Variants in PIP4K2A observed in about 807,000 individuals in gnomAD.
PIP4K2A encodes the protein phosphatidylinositol 5-phosphate 4-kinase type-2 alpha.
Under a neutral mutation model 42.9 loss-of-function variants are expected in PIP4K2A, and 14 were observed. The ratio of observed to expected loss-of-function variants is 0.33; its 90% CI spans 0.22 to 0.51. The LOEUF (loss-of-function observed/expected upper bound fraction) is 0.51. Among genes scored for constraint, PIP4K2A ranks in the 20% least tolerant of loss-of-function variants. PIP4K2A has a pLI of 0.97. For synonymous variants in PIP4K2A, 192 were observed against 192.2 expected (o/e 1.00, Z 0.01); for missense variants, 434 against 519.8 (o/e 0.83, Z 1.61).
At chr10:22,633,991 C>T (rs778586475) in intron 1 of PIP4K2A, among the ~76,000 whole-genome samples, 4 of 152,266 alleles carry the variant, frequency 2.6e-5, no homozygotes, top group Non-Finnish European at 5.9e-5. Flanking sequence ...CCCCAGAGGG[C>T]TGCCCCAGAG....
intron 1 of PIP4K2A, among the ~76,000 whole-genome samples, chr10:22,622,785 A>AT (rs1838359534): frequency 6.6e-6 from 1 of 152,126 alleles, no homozygotes; most frequent in Admixed American, 6.5e-5. Context: ...CAAATCTATA[A>AT]TTTTTTTCTC....
At chr10:22,542,989 G>A (rs1170791394) in intron 7 of PIP4K2A, among the ~76,000 whole-genome samples, 2 of 152,176 alleles carry the variant, frequency 1.3e-5, no homozygotes, top group African/African-American at 4.8e-5. Context: ...GTGCCACCTC[G>A]CTGGGGAATG....
intron 4 of PIP4K2A, among the ~76,000 whole-genome samples, chr10:22,587,321 G>T (rs1368407532): frequency 1.3e-5 from 2 of 152,182 alleles, no homozygotes; most frequent in Non-Finnish European, 2.9e-5. Flanking sequence ...CTCTATGAGA[G>T]CCTCTCATCA....
intron 1 of PIP4K2A, among the ~76,000 whole-genome samples, chr10:22,708,023 T>G (rs1421959044): frequency 6.8e-6 from 1 of 147,974 alleles, no homozygotes; most frequent in East Asian, 2.0e-4. Flanking sequence ...GCTAGGGGGG[T>G]TTAATATCAG....
Position 22,541,891 on chromosome 10 carries a change from G to A in PIP4K2A, c.949C>T (p.Pro317Ser). ...THPVGTPPDSPGNTLNSSPPL... is the reference protein window; with the variant it reads ...THPVGTPPDSSGNTLNSSPPL... ...GGTGAGCTGTTCAGTGTATTCCCGG[G>A]GCTATCTGGGGGGGTTCCCACCGGG... The change falls in exon 8 of 10, where the codon CCC becomes TCC. Residue 317 changes from proline (P) to serine (S), a missense_variant. By Grantham distance (74) the Pro-to-Ser change is moderately conservative (BLOSUM62 -1). Around this residue, in one of 2 missense-constraint regions of PIP4K2A, gnomAD observed 395 missense variants for 444.5 expected, o/e 0.89. Coordinates refer to ENST00000376573, the MANE Select transcript of PIP4K2A (RefSeq NM_005028.5). 2 of 1,613,586 alleles carry A rather than the reference G, an allele frequency of 1.2e-6. No homozygotes were observed. The highest frequency in any genetic ancestry group is 1.1e-5 in the South Asian group (1 of 91,020).
At chr10:22,597,513 T>G (rs143769395) in intron 3 of PIP4K2A, among the ~76,000 whole-genome samples, 1 of 152,296 alleles carries the variant, frequency 6.6e-6, no homozygotes, top group African/African-American at 2.4e-5. Context: ...TCCCATCCAC[T>G]TTCTCTGCTT....
At chr10:22,689,309 C>CA (rs1211809112) in intron 1 of PIP4K2A, among the ~76,000 whole-genome samples, 2 of 152,056 alleles carry the variant, frequency 1.3e-5, no homozygotes, top group Admixed American at 6.6e-5. Context: ...AAAACAACAA[C>CA]AAAAAAACAC....
chr10:22,670,854 G>A (rs1024933230), intron 1 of PIP4K2A, among the ~76,000 whole-genome samples: 6 of 151,870 alleles, frequency 4.0e-5, no homozygotes, highest in South Asian at 2.1e-4. Context: ...TTTAAAAAAC[G>A]GCAAATGTAA....
chr10:22,647,974 C>G (rs1317826625), intron 1 of PIP4K2A, among the ~76,000 whole-genome samples: 2 of 152,196 alleles, frequency 1.3e-5, no homozygotes, highest in African/African-American at 2.4e-5. Flanking sequence ...ACATCTCAGC[C>G]ACTGGATCTC....
chr10:22,608,640 G>A (rs914908173), intron 2 of PIP4K2A, among the ~76,000 whole-genome samples: 1 of 152,188 alleles, frequency 6.6e-6, no homozygotes, highest in Admixed American at 6.5e-5. Context: ...GGGAGACTGA[G>A]GTGGGAGGAT....
At chr10:22,543,647 C>A (rs529815214) in intron 7 of PIP4K2A, among the ~76,000 whole-genome samples, 1 of 152,212 alleles carries the variant, frequency 6.6e-6, no homozygotes, top group African/African-American at 2.4e-5. Context: ...TCAGAGACTG[C>A]GCATCCTCCC....
intron 4 of PIP4K2A, among the ~76,000 whole-genome samples, chr10:22,578,935 C>T (rs1018455759): frequency 7.9e-5 from 12 of 152,118 alleles, no homozygotes; most frequent in African/African-American, 2.7e-4. Flanking sequence ...AACACCATGA[C>T]CCTTACCTCC....
chr10:22,619,578 A>G (rs1303837606), intron 1 of PIP4K2A, among the ~76,000 whole-genome samples: 1 of 151,860 alleles, frequency 6.6e-6, no homozygotes, highest in African/African-American at 2.4e-5. Flanking sequence ...CTGGGACTAC[A>G]GGTGGGCGCC....
chr10:22,665,624 T>G (rs1588695154), intron 1 of PIP4K2A, among the ~76,000 whole-genome samples: 2 of 145,702 alleles, frequency 1.4e-5, no homozygotes, highest in African/African-American at 5.3e-5. Flanking sequence ...TTTTTTTTTT[T>G]TTTAAGAAAA....
chr10:22,557,000 A>T (rs115510604), intron 6 of PIP4K2A, among the ~76,000 whole-genome samples: 2,530 of 152,280 alleles, frequency 0.017, 63 homozygotes, highest in African/African-American at 0.057. Context: ...TGAGATGCAC[A>T]CTCAGCTGAG....
At chr10:22,626,141 T>C (rs943978814) in intron 1 of PIP4K2A, among the ~76,000 whole-genome samples, 1 of 152,162 alleles carries the variant, frequency 6.6e-6, no homozygotes, top group Non-Finnish European at 1.5e-5. Flanking sequence ...CTGCAAAAAC[T>C]ATGCAAGTTC....
intron 4 of PIP4K2A, among the ~76,000 whole-genome samples, chr10:22,583,530 C>T (rs1157048237): frequency 6.6e-6 from 1 of 152,162 alleles, no homozygotes; most frequent in Non-Finnish European, 1.5e-5. Flanking sequence ...CAGGGGTACA[C>T]GGACACTGAG....
chr10:22,553,599 G>GTGA (rs573288977), intron 6 of PIP4K2A, among the ~76,000 whole-genome samples: 2 of 152,256 alleles, frequency 1.3e-5, no homozygotes, highest in South Asian at 2.1e-4. Flanking sequence ...AGTTTGGTGA[G>GTGA]TGATGAGCTG....
chr10:22,712,495 T>C (rs183514978), intron 1 of PIP4K2A, among the ~76,000 whole-genome samples: 195 of 152,316 alleles, frequency 1.3e-3, no homozygotes, highest in African/African-American at 4.6e-3. Context: ...TCATCCTTTT[T>C]TTAAATTGTA....
Sources: gnomAD v4.1 joint callset for allele counts (sites outside exome capture counted in the v4.1 genomes callset) on GRCh38, gnomAD v4.1.1 for gene constraint, gnomAD v4.1.1 regional missense constraint, MANE v1.5 for transcripts, NCBI Gene and HGNC (gene_info 2026-07-23, HGNC 2026-07-21) for gene names.